The following CFAP206 variants were observed in gnomAD, a reference collection of about 807,000 sequenced individuals.
CFAP206 encodes the protein cilia and flagella associated protein 206, also known as cilia- and flagella-associated protein 206.
CFAP206 carries 53 observed loss-of-function variants against 65.4 expected under a neutral mutation model. The observed-to-expected ratio is 0.81, with a 90% CI of 0.65 to 1.02. The LOEUF (loss-of-function observed/expected upper bound fraction) is 1.02, where lower values mean the gene tolerates loss of function less well. Among genes scored for constraint, CFAP206 ranks in the 50% least tolerant of loss-of-function variants. The pLI is 0.00. For missense variants in CFAP206, 663 were observed against 753.2 expected, an observed-to-expected ratio of 0.88 and a Z score of 1.40; for synonymous variants, 250 against 254.4, an observed-to-expected ratio of 0.98 and a Z score of 0.17.
chr6:87,438,537 A>G (rs1306978701), intron 11 of CFAP206, among the ~76,000 whole-genome samples: 1 of 151,990 alleles, frequency 6.6e-6, no homozygotes, highest in Admixed American at 6.6e-5. Context: ...CATCACAGAA[A>G]TATTTTTTCT....
intron 1 of CFAP206, chr6:87,408,490 G>C (rs569994352): frequency 1.4e-5 from 1 of 72,628 alleles, no homozygotes; most frequent in South Asian, 3.3e-4. Context: ...CACAGATCCG[G>C]AGCGCGCACA....
At chr6:87,410,093 A>G (rs1767706742) in intron 2 of CFAP206, 146 bp downstream of exon 2, 2 of 611,152 alleles carry the variant, frequency 3.3e-6, no homozygotes, top group Non-Finnish European at 5.6e-6. Flanking sequence ...TTGTGAAAAC[A>G]TTTTTAAAAA....
chr6:87,459,771 G>A (rs71572762), intron 11 of CFAP206, among the ~76,000 whole-genome samples: 3,612 of 152,266 alleles, frequency 0.024, 51 homozygotes, highest in Middle Eastern at 0.051. Context: ...CCCAAGGACA[G>A]TGAAAGGCTA....
intron 2 of CFAP206, among the ~76,000 whole-genome samples, chr6:87,410,194 A>T (rs540103563): frequency 6.6e-6 from 1 of 152,308 alleles, no homozygotes; most frequent in East Asian, 1.9e-4. Context: ...CCTGTGTGGG[A>T]ATTTTTTGAC....
At chr6:87,412,009 G>A (rs980279370) in intron 3 of CFAP206, among the ~76,000 whole-genome samples, 5 of 152,184 alleles carry the variant, frequency 3.3e-5, no homozygotes, top group African/African-American at 4.8e-5. Context: ...TTGGAAAGCC[G>A]TGGAAGAGAA....
In CFAP206 at chr6:87,453,176, C is replaced by T. The variant is rs541111889; in HGVS notation, c.1495-7846C>T. ...TATAGGCCAGGAGAGAATGGCACGACATACTTAAAGTGCTGAAGGAAAAAA... is the reference window on the plus strand; with the variant it reads ...TATAGGCCAGGAGAGAATGGCACGATATACTTAAAGTGCTGAAGGAAAAAA... On this transcript the variant is annotated intron_variant, in intron 11 of 12. Coordinates refer to ENST00000369562, the MANE Select transcript of CFAP206 (RefSeq NM_001031743.3). Among the ~76,000 whole-genome samples the T allele has an allele frequency of 5.9e-5, 9 of 152,006 alleles. No individual in the cohort carries two copies. In the South Asian group the frequency reaches 1.7e-3, roughly 28 times the overall value.
At chr6:87,420,571 G>A (rs916828394) in intron 7 of CFAP206, among the ~76,000 whole-genome samples, 14 of 152,162 alleles carry the variant, frequency 9.2e-5, no homozygotes, top group African/African-American at 1.4e-4. Flanking sequence ...CTTGGTTTCC[G>A]TATCTGTAAA....
chr6:87,447,881 C>A (rs1768469859), intron 11 of CFAP206, among the ~76,000 whole-genome samples: 2 of 151,692 alleles, frequency 1.3e-5, no homozygotes, highest in South Asian at 2.1e-4. Context: ...ATTCAGGATC[C>A]AACTTCTTCC....
At chr6:87,462,046 G>T (rs956326715) in intron 12 of CFAP206, among the ~76,000 whole-genome samples, 2 of 152,152 alleles carry the variant, frequency 1.3e-5, no homozygotes, top group African/African-American at 4.8e-5. Flanking sequence ...GGTTTCTCTG[G>T]TTGGTCCTGA....
chr6:87,451,153 G>A (rs1253089695), intron 11 of CFAP206, among the ~76,000 whole-genome samples: 1 of 152,188 alleles, frequency 6.6e-6, no homozygotes, highest in Non-Finnish European at 1.5e-5. Context: ...AAGTCCTGGT[G>A]CCATGCTGTG....
At chr6:87,413,259 G>A (rs1763216338) in intron 3 of CFAP206, among the ~76,000 whole-genome samples, 1 of 152,156 alleles carries the variant, frequency 6.6e-6, no homozygotes, top group African/African-American at 2.4e-5. Context: ...TAAAGAAAAT[G>A]TATACACACA....
intron 11 of CFAP206, among the ~76,000 whole-genome samples, chr6:87,452,808 AAAT>A (rs1768568493): frequency 6.6e-6 from 1 of 152,124 alleles, no homozygotes; most frequent in African/African-American, 2.4e-5. Context: ...AAAGAATAAA[AAAT>A]AATGAGGCAC....
chr6:87,462,240 T>C (rs1159421061), intron 12 of CFAP206, among the ~76,000 whole-genome samples: 1 of 152,236 alleles, frequency 6.6e-6, no homozygotes, highest in Non-Finnish European at 1.5e-5. Flanking sequence ...AGTCCATTTG[T>C]ATATTCAGTC....
chr6:87,410,554 A>G, intron 2 of CFAP206, 31 bp from the exon 3 acceptor site: 3 of 1,483,564 alleles, frequency 2.0e-6, no homozygotes, highest in Middle Eastern at 3.4e-4. Flanking sequence ...ATTCTTTCCT[A>G]GTTAATGGAC....
Position 87,461,075 on chromosome 6 carries a change from C to A in CFAP206, c.1548C>A (p.Ser516Arg). Residue 516 changes from serine to arginine, a missense_variant, in exon 12 of 13, where the codon AGC (serine) becomes AGA (arginine). Ser to Arg is a moderately radical substitution (Grantham distance 110, BLOSUM62 -1). Coordinates refer to ENST00000369562, the MANE Select transcript of CFAP206 (RefSeq NM_001031743.3). ...YIKPITKCES[S>R]TQTNTHILPP... ...AACCAATTACAAAATGTGAAAGTAG[C>A]ACACAGACGAATACACACATACTGC... 1 of 1,591,432 alleles carries A rather than the reference C, an allele frequency of 6.3e-7. No individual in the cohort carries two copies. The highest frequency in any genetic ancestry group is 2.3e-5 in the East Asian group (1 of 42,946).
At chr6:87,434,350 T>G (rs6926689) in intron 10 of CFAP206, among the ~76,000 whole-genome samples, 41,154 of 149,974 alleles carry the variant, frequency 0.27, 5,866 homozygotes, top group Admixed American at 0.38. Context: ...GAGCTGAGAC[T>G]GCGCCACTGC....
At chr6:87,444,452 A>G (rs1768411735) in intron 11 of CFAP206, 1 of 224,034 alleles carries the variant, frequency 4.5e-6, no homozygotes, top group Admixed American at 4.1e-5. Context: ...TAACCTTTCC[A>G]TTTTACTGGT....
At chr6:87,435,277 A>C (rs1244593258) in intron 11 of CFAP206, 3 of 373,458 alleles carry the variant, frequency 8.0e-6, no homozygotes, top group Non-Finnish European at 1.5e-5. Context: ...GAAATGGGGA[A>C]AATCTGAATC....
At chr6:87,430,864 C>A (rs754118269) in intron 9 of CFAP206, among the ~76,000 whole-genome samples, 169 bp from the exon 10 acceptor site, 46 of 152,150 alleles carry the variant, frequency 3.0e-4, no homozygotes, top group Non-Finnish European at 2.5e-4. Context: ...TACTTCTTTG[C>A]TTGAATAGAC....
Sources: allele counts gnomAD v4.1 joint callset (sites outside exome capture counted in the v4.1 genomes callset), GRCh38; gene constraint gnomAD v4.1.1; transcripts MANE v1.5; gene names NCBI Gene and HGNC (gene_info 2026-07-23, HGNC 2026-07-21).